ADAM18: variants seen among roughly 807,000 people sequenced by gnomAD.
The protein encoded by ADAM18 is disintegrin and metalloproteinase domain-containing protein 18.
A neutral mutation model predicts 94.4 loss-of-function variants in ADAM18; 117 were observed. The observed-to-expected ratio is 1.24, with a 90% confidence interval of 1.07 to 1.45. ADAM18 has a LOEUF of 1.45. Among genes scored for constraint, ADAM18 ranks in the 40% most tolerant of loss-of-function variants. The pLI is 0.00. For missense variants in ADAM18, 936 were observed against 880.0 expected (o/e 1.06, Z -0.81); for synonymous variants, 327 against 291.6 (o/e 1.12, Z -1.24).
intron 10 of ADAM18, 139 bp from the exon 11 acceptor site, chr8:39,645,199 G>C (rs1820344738): frequency 1.5e-6 from 1 of 685,212 alleles, no homozygotes; most frequent in Non-Finnish European, 2.3e-6. Context: ...TAAATAAATG[G>C]CATACCAAAA....
chr8:39,726,653 A>G (rs1308813360), intron 19 of ADAM18, among the ~76,000 whole-genome samples: 15 of 151,846 alleles, frequency 9.9e-5, no homozygotes, highest in Admixed American at 8.5e-4. Flanking sequence ...CTTTCTCTCT[A>G]TTTTCTGCTA....
intron 10 of ADAM18, among the ~76,000 whole-genome samples, chr8:39,642,488 T>G (rs1820262530): frequency 6.6e-6 from 1 of 151,826 alleles, no homozygotes; most frequent in South Asian, 2.1e-4. Flanking sequence ...GCTAGTTATC[T>G]CAGCATCATT....
chr8:39,632,238 G>T (rs761490117), intron 7 of ADAM18, among the ~76,000 whole-genome samples: 4 of 146,802 alleles, frequency 2.7e-5, no homozygotes, highest in Non-Finnish European at 4.5e-5. Flanking sequence ...TTGTTTTATT[G>T]TCCTTGCTTG....
intron 16 of ADAM18, among the ~76,000 whole-genome samples, chr8:39,684,523 C>G (rs1259602268): frequency 6.6e-6 from 1 of 152,164 alleles, no homozygotes; most frequent in Non-Finnish European, 1.5e-5. Context: ...CAGCCCATGC[C>G]ACACCTCTCA....
intron 3 of ADAM18, 84 bp downstream of exon 3, chr8:39,606,446 T>G (rs1819089018): frequency 1.2e-6 from 1 of 828,496 alleles, no homozygotes; most frequent in Non-Finnish European, 1.9e-6. Context: ...GTGCAGTATT[T>G]AAATTCAGGA....
chr8:39,673,833 C>T (rs894699245), intron 14 of ADAM18, among the ~76,000 whole-genome samples: 7 of 152,148 alleles, frequency 4.6e-5, no homozygotes, highest in African/African-American at 1.4e-4. Flanking sequence ...TCTTTGTTCT[C>T]ATTGGTTTCA....
intron 2 of ADAM18, among the ~76,000 whole-genome samples, chr8:39,599,405 T>A (rs1393729078): frequency 1.3e-5 from 2 of 152,216 alleles, no homozygotes; most frequent in Non-Finnish European, 2.9e-5. Context: ...TGCTTCTATC[T>A]CTTGAAAGAG....
At chr8:39,635,514 G>C (rs527888547) in intron 7 of ADAM18, among the ~76,000 whole-genome samples, 1 of 149,774 alleles carries the variant, frequency 6.7e-6, no homozygotes, top group African/African-American at 2.4e-5. Context: ...CTTCTCCTAA[G>C]TTAACTTCTT....
In ADAM18 at chr8:39,637,277, G is replaced by GA. The variant is rs747075857; in HGVS notation, c.603dup (p.Ser202IlefsTer2). 6.2e-7 allele frequency: 1 copy of GA among 1,603,942 alleles called. No individual in the cohort carries two copies. The highest frequency in any genetic ancestry group is 1.7e-5 in the Admixed American group (1 of 59,204). ...TTTCTTTTTCAGTATGATTATATGG[G>GA]ATCTGAAATGATGGCTGTAACACAA... On this transcript the variant is annotated frameshift_variant, in exon 8 of 20. Coordinates refer to ENST00000265707, the MANE Select transcript of ADAM18 (RefSeq NM_014237.3). LOFTEE classifies it high-confidence loss of function.
chr8:39,677,996 G>A (rs542250195), intron 15 of ADAM18, among the ~76,000 whole-genome samples: 9 of 152,106 alleles, frequency 5.9e-5, no homozygotes, highest in African/African-American at 2.2e-4. Flanking sequence ...CAGACTATTG[G>A]GACATAGTGT....
At chr8:39,613,124 C>T (rs1243055793) in intron 6 of ADAM18, among the ~76,000 whole-genome samples, 1 of 152,146 alleles carries the variant, frequency 6.6e-6, no homozygotes, top group Non-Finnish European at 1.5e-5. Context: ...TACATACATG[C>T]ATGCAGACCC....
intron 3 of ADAM18, among the ~76,000 whole-genome samples, chr8:39,606,757 G>A (rs977093341): frequency 1.3e-5 from 2 of 152,106 alleles, no homozygotes; most frequent in African/African-American, 4.8e-5. Context: ...TCACCTGGGG[G>A]CAGGCGGGCT....
chr8:39,667,877 G>C (rs1821034735), intron 13 of ADAM18, 121 bp from the exon 14 acceptor site: 1 of 997,398 alleles, frequency 1.0e-6, no homozygotes, highest in Non-Finnish European at 1.5e-6. Flanking sequence ...CACGGACTTG[G>C]GAACTCTGGT....
intron 12 of ADAM18, among the ~76,000 whole-genome samples, chr8:39,653,835 ATTC>A (rs1180082353): frequency 6.6e-6 from 1 of 152,186 alleles, no homozygotes; most frequent in Non-Finnish European, 1.5e-5. Flanking sequence ...GAACGTTACA[ATTC>A]TTCTCTTCTA....
intron 17 of ADAM18, among the ~76,000 whole-genome samples, chr8:39,704,723 T>C (rs1255997375): frequency 6.6e-6 from 1 of 152,150 alleles, no homozygotes; most frequent in African/African-American, 2.4e-5. Context: ...GTGACCATTT[T>C]TGCGTTTGTA....
At chr8:39,637,478 G>T in intron 8 of ADAM18, 59 bp from the exon 9 acceptor site, 1 of 1,449,306 alleles carries the variant, frequency 6.9e-7, no homozygotes, top group South Asian at 1.4e-5. Flanking sequence ...ATTTTTTAAT[G>T]TACCTTTTAA....
At chr8:39,669,181 C>T (rs575370070) in intron 14 of ADAM18, among the ~76,000 whole-genome samples, 10 of 150,820 alleles carry the variant, frequency 6.6e-5, no homozygotes, top group South Asian at 6.3e-4. Context: ...CATTAAGTAG[C>T]GTCTACAATA....
Position 39,620,330 on chromosome 8 carries a change from G to A in ADAM18, c.523-9044G>A, listed in dbSNP as rs1337220651. Among the ~76,000 whole-genome samples the A allele has an allele frequency of 9.0e-5, 12 of 133,522 alleles. 1 individual carries two copies. The Middle Eastern group carries it at 0.025, about 278-fold the overall frequency. 87.6% of individuals were successfully genotyped at this position (133,522 alleles called of 152,430 possible). On this transcript the variant is annotated intron_variant, in intron 6 of 19. Coordinates refer to ENST00000265707, the MANE Select transcript of ADAM18 (RefSeq NM_014237.3). ...GTCTGAGCAAAGATTTTTTTAGACAGGACCTCAAAAGCACATGCAACAAAA... is the reference window on the plus strand; with the variant it reads ...GTCTGAGCAAAGATTTTTTTAGACAAGACCTCAAAAGCACATGCAACAAAA...
intron 12 of ADAM18, among the ~76,000 whole-genome samples, chr8:39,650,288 T>C (rs766428603): frequency 2.0e-5 from 3 of 152,158 alleles, no homozygotes; most frequent in Admixed American, 1.3e-4. Flanking sequence ...TTTCTACTAA[T>C]AGCAGTGAAG....
Sources: gnomAD v4.1 joint callset for allele counts (sites outside exome capture counted in the v4.1 genomes callset) on GRCh38, gnomAD v4.1.1 for gene constraint, MANE v1.5 for transcripts, NCBI Gene and HGNC (gene_info 2026-07-23, HGNC 2026-07-21) for gene names.